PARN: variants seen among roughly 807,000 people sequenced by gnomAD.
PARN encodes the protein poly(A)-specific ribonuclease.
Under a neutral mutation model 102.8 loss-of-function variants are expected in PARN, and 71 were observed. The ratio of observed to expected loss-of-function variants is 0.69; its 90% CI spans 0.57 to 0.84. The LOEUF (loss-of-function observed/expected upper bound fraction) is 0.84. PARN is among the 40% of genes least tolerant of loss of function. The probability of loss-of-function intolerance (pLI) is 0.00; values close to 1 mark genes in which losing one functional copy is unlikely to be tolerated. For synonymous variants in PARN, 261 were observed against 252.9 expected (o/e 1.03, Z -0.30); for missense variants, 782 against 760.9 (o/e 1.03, Z -0.33).
intron 21 of PARN, among the ~76,000 whole-genome samples, chr16:14,535,127 C>A: frequency 6.6e-6 from 1 of 152,190 alleles, no homozygotes; most frequent in African/African-American, 2.4e-5. Context: ...AGCCATCGCA[C>A]CCTGGCTAAA....
chr16:14,613,005 C>G (rs148003056), intron 6 of PARN, among the ~76,000 whole-genome samples: 1 of 147,638 alleles, frequency 6.8e-6, no homozygotes, highest in African/African-American at 2.5e-5. Flanking sequence ...CATTGGGACA[C>G]GGGTGGTATT....
At chr16:14,497,376 C>T (rs1404895237) in intron 21 of PARN, among the ~76,000 whole-genome samples, 1 of 152,212 alleles carries the variant, frequency 6.6e-6, no homozygotes, top group Non-Finnish European at 1.5e-5. Flanking sequence ...GTAACTGAAG[C>T]ACTGGCTGGA....
At chr16:14,619,184 C>G (rs1162037179) in intron 5 of PARN, among the ~76,000 whole-genome samples, 2 of 152,090 alleles carry the variant, frequency 1.3e-5, no homozygotes, top group African/African-American at 2.4e-5. Context: ...GCCTGAGTGA[C>G]AAAGTGAGAC....
intron 18 of PARN, among the ~76,000 whole-genome samples, chr16:14,577,788 C>T (rs534216773): frequency 3.8e-4 from 58 of 152,192 alleles, no homozygotes; most frequent in Middle Eastern, 6.8e-3. Context: ...CTGCCTCAGC[C>T]CCCCCAGTAG....
chr16:14,435,896 TCACACACACA>T lies in PARN; in HGVS notation c.*811_*820del, dbSNP rs71373026. ...GGACATGTTGTAGATTTGCACGATT[TCACACACACA>T]CACACACACACACACACACACACAC... On this transcript the variant is annotated 3_prime_UTR_variant, in exon 24 of 24. Transcript: ENST00000437198. 0.018 allele frequency: 2,412 copies of T among 131,112 alleles called. 36 individuals carry two copies. The highest frequency in any genetic ancestry group is 0.024 in the Non-Finnish European group (1,478 of 62,788). 8.1% of individuals were successfully genotyped at this position (131,112 alleles called of 1,614,324 possible). A position where few individuals can be genotyped will look rare whatever the true frequency, so the allele number is the denominator to read the frequency against.
chr16:14,541,787 T>C (rs1258260170), intron 21 of PARN, among the ~76,000 whole-genome samples: 1 of 152,122 alleles, frequency 6.6e-6, no homozygotes, highest in Non-Finnish European at 1.5e-5. Flanking sequence ...AATTACCTGC[T>C]GAAATTAAAA....
chr16:14,614,073 A>G (rs1348116714), intron 6 of PARN, among the ~76,000 whole-genome samples: 1 of 152,168 alleles, frequency 6.6e-6, no homozygotes, highest in Admixed American at 6.6e-5. Flanking sequence ...CCTGGACAAT[A>G]TAGTGAGACC....
intron 21 of PARN, among the ~76,000 whole-genome samples, chr16:14,510,434 A>C (rs1377099191): frequency 6.6e-6 from 1 of 152,182 alleles, no homozygotes; most frequent in African/African-American, 2.4e-5. Context: ...AGAATGGGGA[A>C]GCTATAAACT....
chr16:14,468,194 G>A (rs937573065), intron 22 of PARN, among the ~76,000 whole-genome samples: 1 of 152,002 alleles, frequency 6.6e-6, no homozygotes, highest in African/African-American at 2.4e-5. Context: ...GAGAGAGGAG[G>A]GCTTGAATTT....
intron 6 of PARN, among the ~76,000 whole-genome samples, chr16:14,614,992 G>GAAGGCT (rs980756324): frequency 6.6e-6 from 1 of 151,822 alleles, no homozygotes; most frequent in Non-Finnish European, 1.5e-5. Context: ...CGGGGATGGA[G>GAAGGCT]AAGGCTACAG....
chr16:14,510,260 A>C (rs917502220), intron 21 of PARN, among the ~76,000 whole-genome samples: 2 of 152,236 alleles, frequency 1.3e-5, no homozygotes, highest in African/African-American at 4.8e-5. Flanking sequence ...TTTGCCAAAA[A>C]ATAAGTCAAC....
chr16:14,549,911 G>A (rs1967187212), intron 21 of PARN, among the ~76,000 whole-genome samples: 1 of 152,214 alleles, frequency 6.6e-6, no homozygotes. Context: ...GGCTCGGAAG[G>A]TTTACATAAC....
chr16:14,550,738 AAAAC>A (rs1967245708), intron 21 of PARN, among the ~76,000 whole-genome samples: 1 of 152,246 alleles, frequency 6.6e-6, no homozygotes, highest in Non-Finnish European at 1.5e-5. Context: ...GTTAAAGTAA[AAAAC>A]AAACACATCA....
chr16:14,611,800 G>A (rs1971533268), intron 6 of PARN, among the ~76,000 whole-genome samples: 1 of 152,162 alleles, frequency 6.6e-6, no homozygotes, highest in Admixed American at 6.5e-5. Flanking sequence ...CTTCCAAAGT[G>A]CTGGGATTAC....
At chr16:14,629,980 G>A (rs997297634) in intron 1 of PARN, 127 bp downstream of exon 1, 38 of 855,808 alleles carry the variant, frequency 4.4e-5, no homozygotes, top group Middle Eastern at 6.7e-4. Context: ...ACCGGCTTAA[G>A]GAGGGAAAAG....
intron 22 of PARN, among the ~76,000 whole-genome samples, chr16:14,450,487 T>G (rs1162830848): frequency 6.6e-6 from 1 of 152,106 alleles, no homozygotes; most frequent in Non-Finnish European, 1.5e-5. Context: ...ATTTCTAAAA[T>G]AAGTATGAGT....
chr16:14,511,208 T>C (rs1965171477), intron 21 of PARN, among the ~76,000 whole-genome samples: 1 of 152,230 alleles, frequency 6.6e-6, no homozygotes, highest in Non-Finnish European at 1.5e-5. Flanking sequence ...AAGCACTAGC[T>C]TGTTTACCTC....
Position 14,582,316 on chromosome 16 carries a change from T to C in PARN, c.1082-25A>G, listed in dbSNP as rs751239600. ...TCTAAGAAAAAAAAGGAAAAAGTTT[T>C]CCTCAAAACAAAGACTAGTAAGCAC... is the stretch of plus-strand genomic sequence containing the variant. On this transcript the variant is annotated intron_variant, in intron 16 of 23. Coordinates refer to ENST00000437198, the MANE Select transcript of PARN (RefSeq NM_002582.4). The C allele has an allele frequency of 2.0e-6, 3 of 1,519,804 alleles. No individual in the cohort carries two copies. The East Asian group carries it at 6.7e-5, about 34-fold the overall frequency. The allele number at this position is 1,519,804 out of a possible 1,614,324, so 94.1% of individuals were successfully genotyped here.
rs184397234 is a variant in PARN at position 14,448,598 on chromosome 16, T to C, written c.1671-1517A>G. 1.5e-3 allele frequency among the ~76,000 whole-genome samples: 231 copies of C among 152,342 alleles called. 1 individual carries two copies. The highest frequency in any genetic ancestry group is 1.5e-3 in the Non-Finnish European group (104 of 68,038). The stretch of plus-strand genomic sequence containing the variant: ...CCACCATGCCCAGCCAGGAAGTGAA[T>C]AGTTTAAAATGTTCCACATAAAAAA... On this transcript the variant is annotated intron_variant, in intron 22 of 23. Transcript: ENST00000437198.
Sources: allele counts gnomAD v4.1 joint callset (sites outside exome capture counted in the v4.1 genomes callset), GRCh38; gene constraint gnomAD v4.1.1; transcripts MANE v1.5; gene names NCBI Gene and HGNC (gene_info 2026-07-23, HGNC 2026-07-21).